ACTR3C: variants seen among roughly 807,000 people sequenced by gnomAD.
ACTR3C encodes actin related protein 3C.
Under a neutral mutation model 26.3 loss-of-function variants are expected in ACTR3C, and 18 were observed. The ratio of observed to expected loss-of-function variants is 0.68; its 90% CI spans 0.47 to 1.01. The LOEUF (loss-of-function observed/expected upper bound fraction) is 1.01, where lower values mean the gene tolerates loss of function less well. ACTR3C is among the 50% of genes least tolerant of loss of function. The pLI, the probability that ACTR3C is intolerant of heterozygous loss-of-function variation, is 0.00. For missense variants in ACTR3C, 184 were observed against 250.7 expected (o/e 0.73, Z 1.80); for synonymous variants, 55 against 94.5 (o/e 0.58, Z 2.42).
the ACTR3C span, among the ~76,000 whole-genome samples, chr7:150,211,551 G>C: frequency 1.3e-5 from 2 of 150,654 alleles, no homozygotes; most frequent in African/African-American, 5.0e-5. Flanking sequence ...AAAGTGCTAG[G>C]ATTACATGTG....
chr7:150,275,384 C>A (rs1834790774), intron 6 of ACTR3C, among the ~76,000 whole-genome samples: 1 of 152,182 alleles, frequency 6.6e-6, no homozygotes, highest in Non-Finnish European at 1.5e-5. Context: ...ATTTACAGTT[C>A]ATGAAAATAA....
At chr7:150,065,552 G>T in the ACTR3C span, among the ~76,000 whole-genome samples, 22 of 152,162 alleles carry the variant, frequency 1.4e-4, no homozygotes, top group African/African-American at 5.3e-4. Context: ...AAAGTTAAAG[G>T]CTTTACCCTC....
At chr7:150,091,688 AAAT>A in the ACTR3C span, among the ~76,000 whole-genome samples, 1 of 138,022 alleles carries the variant, frequency 7.2e-6, no homozygotes, top group African/African-American at 2.7e-5. Context: ...TGTGAGTTAG[AAAT>A]AATATTCCTG....
the ACTR3C span, among the ~76,000 whole-genome samples, chr7:150,162,377 G>C: frequency 6.6e-6 from 1 of 152,064 alleles, no homozygotes; most frequent in Non-Finnish European, 1.5e-5. Flanking sequence ...CCAGGCTGGA[G>C]TGCAATGGTG....
chr7:150,070,751 TA>T, the ACTR3C span, among the ~76,000 whole-genome samples: 2 of 146,654 alleles, frequency 1.4e-5, no homozygotes, highest in Admixed American at 6.8e-5. Context: ...GTGCCTGGCC[TA>T]AAATTGCTAA....
the ACTR3C span, among the ~76,000 whole-genome samples, chr7:150,033,762 G>A: frequency 6.6e-6 from 1 of 150,628 alleles, no homozygotes; most frequent in African/African-American, 2.4e-5. Context: ...CGTGGGGGGT[G>A]CTTCCACCTC....
chr7:150,131,613 T>C, the ACTR3C span, among the ~76,000 whole-genome samples: 1 of 152,234 alleles, frequency 6.6e-6, no homozygotes, highest in Non-Finnish European at 1.5e-5. Flanking sequence ...TGGGAGAGAT[T>C]TGTGTCATTC....
At chr7:150,047,853 A>G in the ACTR3C span, 1 of 1,501,404 alleles carries the variant, frequency 6.7e-7, no homozygotes, top group Non-Finnish European at 8.9e-7. Context: ...CAGCGAAGCC[A>G]TCGGGCACCG....
At chr7:150,031,365 T>TC in the ACTR3C span, among the ~76,000 whole-genome samples, 1 of 151,318 alleles carries the variant, frequency 6.6e-6, no homozygotes, top group East Asian at 1.9e-4. Flanking sequence ...AATGTGAGGG[T>TC]CTCCAACAGG....
the ACTR3C span, among the ~76,000 whole-genome samples, chr7:149,993,081 C>T: frequency 2.3e-4 from 34 of 150,528 alleles, 2 homozygotes. Flanking sequence ...CTTATCTTAC[C>T]TTCTTCTGCC....
At chr7:149,967,811 T>A in the ACTR3C span, among the ~76,000 whole-genome samples, 1 of 152,148 alleles carries the variant, frequency 6.6e-6, no homozygotes, top group African/African-American at 2.4e-5. Context: ...TGGGATGACC[T>A]CTACCATAAA....
At chr7:150,150,019 C>T in the ACTR3C span, among the ~76,000 whole-genome samples, 162 of 152,268 alleles carry the variant, frequency 1.1e-3, 1 homozygote, top group Non-Finnish European at 1.9e-3. Context: ...GCACCTGCTG[C>T]CTGGTGACCA....
intron 6 of ACTR3C, among the ~76,000 whole-genome samples, chr7:150,260,466 G>C (rs1454186139): frequency 6.6e-6 from 1 of 152,190 alleles, no homozygotes; most frequent in Non-Finnish European, 1.5e-5. Context: ...TTTGTAGAGG[G>C]AAAGGGAAAT....
intron 6 of ACTR3C, among the ~76,000 whole-genome samples, chr7:150,275,003 C>T (rs147416985): frequency 6.6e-6 from 1 of 152,282 alleles, no homozygotes; most frequent in South Asian, 2.1e-4. Flanking sequence ...CAAACGCATT[C>T]AAAAACTGGC....
intron 6 of ACTR3C, among the ~76,000 whole-genome samples, chr7:150,264,412 C>T (rs1282982423): frequency 6.6e-6 from 1 of 152,110 alleles, no homozygotes; most frequent in African/African-American, 2.4e-5. Flanking sequence ...ATGGCCTGTG[C>T]CATCAAGGTG....
At chr7:149,887,101 T>C in the ACTR3C span, among the ~76,000 whole-genome samples, 5 of 151,468 alleles carry the variant, frequency 3.3e-5, no homozygotes, top group African/African-American at 7.3e-5. Context: ...TAGAAAAAAA[T>C]TGGAGAATTT....
chr7:150,011,241 T>G, the ACTR3C span, among the ~76,000 whole-genome samples: 7 of 152,100 alleles, frequency 4.6e-5, no homozygotes, highest in Non-Finnish European at 1.0e-4. Context: ...ACCAGGACAA[T>G]GCAATGTTTT....
chr7:150,267,434 C>T (rs1834125556), intron 6 of ACTR3C, among the ~76,000 whole-genome samples: 1 of 152,246 alleles, frequency 6.6e-6, no homozygotes, highest in Non-Finnish European at 1.5e-5. Context: ...CTTTGTCCAG[C>T]ATGTCCACAC....
chr7:149,919,727 T>C, the ACTR3C span, among the ~76,000 whole-genome samples: 1 of 152,228 alleles, frequency 6.6e-6, no homozygotes, highest in African/African-American at 2.4e-5. Context: ...TGTTGCCTGT[T>C]TCCTTTTACT....
Sources: allele counts gnomAD v4.1 joint callset (sites outside exome capture counted in the v4.1 genomes callset), GRCh38; gene constraint gnomAD v4.1.1; transcripts MANE v1.5; gene names NCBI Gene and HGNC (gene_info 2026-07-23, HGNC 2026-07-21).